The following CDH18 variants were observed in gnomAD, a reference collection of about 807,000 sequenced individuals.
CDH18 encodes the protein cadherin 18, also known as cadherin-18.
A neutral mutation model predicts 67.9 loss-of-function variants in CDH18; 31 were observed. The ratio of observed to expected loss-of-function variants is 0.46; its 90% CI spans 0.34 to 0.62. The LOEUF (loss-of-function observed/expected upper bound fraction) is 0.62, where lower values mean the gene tolerates loss of function less well. Ranked by LOEUF, CDH18 falls within the 20% of genes least tolerant of loss-of-function variation. The pLI is 0.01. For synonymous variants in CDH18, 362 were observed against 347.2 expected, an observed-to-expected ratio of 1.04 and a Z score of -0.48; for missense variants, 890 against 975.5, an observed-to-expected ratio of 0.91 and a Z score of 1.17.
At chr5:20,131,462 CTTATA>C (rs1014628611) in intron 2 of CDH18, among the ~76,000 whole-genome samples, 2 of 151,908 alleles carry the variant, frequency 1.3e-5, no homozygotes, top group African/African-American at 2.4e-5. Flanking sequence ...TTTGTTTTTA[CTTATA>C]TTAGAGTACG....
chr5:19,607,976 T>C (rs567245363), intron 6 of CDH18, among the ~76,000 whole-genome samples: 132 of 151,758 alleles, frequency 8.7e-4, no homozygotes, highest in African/African-American at 3.0e-3. Context: ...TCGATCTGTG[T>C]GCATCCAATA....
chr5:19,990,463 T>C (rs78453018), upstream of CDH18, among the ~76,000 whole-genome samples: 1,806 of 152,306 alleles, frequency 0.012, 35 homozygotes, highest in African/African-American at 0.04. Flanking sequence ...ACAGTCATAA[T>C]GGAAGTCAAC....
intron 1 of CDH18, among the ~76,000 whole-genome samples, chr5:20,395,254 T>C (rs1021965463): frequency 5.3e-5 from 8 of 152,170 alleles, no homozygotes; most frequent in Non-Finnish European, 1.0e-4. Context: ...TGAATACTAC[T>C]CATCCCTAAA....
At chr5:20,202,866 C>G (rs573720825) in intron 2 of CDH18, among the ~76,000 whole-genome samples, 1 of 151,954 alleles carries the variant, frequency 6.6e-6, no homozygotes, top group South Asian at 2.1e-4. Flanking sequence ...GAGTTTCTTG[C>G]AAAATAGCAG....
chr5:19,483,125 T>A (rs955984550), intron 12 of CDH18, among the ~76,000 whole-genome samples, 176 bp downstream of exon 12: 1 of 152,256 alleles, frequency 6.6e-6, no homozygotes, highest in Non-Finnish European at 1.5e-5. Context: ...TCTTCCAACA[T>A]ATTTGAATCT....
At chr5:19,560,364 A>G (rs143697707) in intron 8 of CDH18, among the ~76,000 whole-genome samples, 9 of 152,254 alleles carry the variant, frequency 5.9e-5, no homozygotes, top group Non-Finnish European at 1.0e-4. Context: ...AAAGCCAAAT[A>G]CAGCCAACTG....
intron 2 of CDH18, among the ~76,000 whole-genome samples, chr5:19,962,820 A>C (rs768383984): frequency 2.0e-5 from 3 of 152,112 alleles, no homozygotes; most frequent in Non-Finnish European, 4.4e-5. Context: ...TGGAATACTT[A>C]AGTCTCAGAG....
intron 1 of CDH18, among the ~76,000 whole-genome samples, chr5:20,345,620 T>C (rs1740636390): frequency 6.6e-6 from 1 of 152,168 alleles, no homozygotes; most frequent in South Asian, 2.1e-4. Flanking sequence ...TTAAATAATA[T>C]GTAAGATAGG....
Position 19,516,098 on chromosome 5 carries a change from C to T in CDH18, c.1512+4559G>A, listed in dbSNP as rs111654868. On this transcript the variant is annotated intron_variant, in intron 10 of 12. Coordinates refer to ENST00000382275, the MANE Select transcript of CDH18 (RefSeq NM_004934.5). ...TTGTCAAAGGCCTTTCTGCATCTAT[C>T]GAGATAATTATGTGGTTTTTGTCTT... Among the ~76,000 whole-genome samples, 1,303 of 152,052 alleles carry T rather than the reference C, an allele frequency of 8.6e-3. 25 individuals are homozygous for T. The highest frequency in any genetic ancestry group is 0.03 in the African/African-American group (1,244 of 41,494).
chr5:20,392,938 G>A (rs994607000), intron 1 of CDH18, among the ~76,000 whole-genome samples: 1 of 151,544 alleles, frequency 6.6e-6, no homozygotes, highest in African/African-American at 2.4e-5. Flanking sequence ...CTCACCATTG[G>A]ATATGAGTAT....
intron 1 of CDH18, among the ~76,000 whole-genome samples, chr5:20,372,642 C>T (rs1255539035): frequency 6.6e-6 from 1 of 152,104 alleles, no homozygotes; most frequent in Non-Finnish European, 1.5e-5. Context: ...CACACACATA[C>T]CTACATATAT....
chr5:20,161,106 T>C (rs757461829), intron 2 of CDH18, among the ~76,000 whole-genome samples: 18 of 152,178 alleles, frequency 1.2e-4, no homozygotes, highest in Non-Finnish European at 2.2e-4. Context: ...AACTTGGCCA[T>C]TTACATAAAA....
intron 4 of CDH18, among the ~76,000 whole-genome samples, chr5:19,741,781 C>G (rs1320245380): frequency 6.6e-6 from 1 of 151,978 alleles, no homozygotes; most frequent in Non-Finnish European, 1.5e-5. Context: ...TCTTAACTGA[C>G]AGCATTTTTG....
At chr5:19,975,325 T>A (rs116481222) in intron 2 of CDH18, among the ~76,000 whole-genome samples, 1,842 of 152,224 alleles carry the variant, frequency 0.012, 54 homozygotes, top group African/African-American at 0.042. Context: ...TTATGTGTCA[T>A]AAAGCTGTAA....
intron 2 of CDH18, among the ~76,000 whole-genome samples, chr5:20,067,523 T>C (rs1743083734): frequency 6.6e-6 from 1 of 151,982 alleles, no homozygotes; most frequent in Non-Finnish European, 1.5e-5. Context: ...GTGGCCTTTA[T>C]TGTATGACTC....
intron 1 of CDH18, among the ~76,000 whole-genome samples, chr5:20,366,910 G>A (rs1236073387): frequency 6.6e-6 from 1 of 152,110 alleles, no homozygotes; most frequent in African/African-American, 2.4e-5. Flanking sequence ...GAACCAAGCT[G>A]TTCTAGACTT....
At chr5:20,044,291 T>C (rs1740714901) in intron 2 of CDH18, among the ~76,000 whole-genome samples, 1 of 152,076 alleles carries the variant, frequency 6.6e-6, no homozygotes, top group African/African-American at 2.4e-5. Flanking sequence ...TTTTCAAAAT[T>C]CAAAAGAGGA....
intron 1 of CDH18, among the ~76,000 whole-genome samples, chr5:19,984,459 T>G (rs1011140179): frequency 1.3e-5 from 2 of 152,148 alleles, no homozygotes; most frequent in African/African-American, 4.8e-5. Context: ...AATTTTAGAT[T>G]TGAAAATATT....
intron 2 of CDH18, among the ~76,000 whole-genome samples, chr5:20,032,077 C>T (rs889131497): frequency 3.0e-4 from 46 of 151,914 alleles, no homozygotes; most frequent in Non-Finnish European, 1.5e-5. Flanking sequence ...TTTTAAAAAG[C>T]TTATTTTCTA....
Sources: gnomAD v4.1 joint callset for allele counts (sites outside exome capture counted in the v4.1 genomes callset) on GRCh38, gnomAD v4.1.1 for gene constraint, MANE v1.5 for transcripts, NCBI Gene and HGNC (gene_info 2026-07-23, HGNC 2026-07-21) for gene names.